Variants in SHANK1 observed in about 807,000 individuals in gnomAD.
SHANK1 encodes the protein SH3 and multiple ankyrin repeat domains 1, also known as SH3 and multiple ankyrin repeat domains protein 1.
SHANK1 carries 35 observed loss-of-function variants against 165.6 expected under a neutral mutation model. The observed-to-expected ratio is 0.21, with a 90% CI of 0.16 to 0.28. The LOEUF (loss-of-function observed/expected upper bound fraction) is 0.28, where lower values mean the gene tolerates loss of function less well. SHANK1 is among the 10% of genes least tolerant of loss of function. The pLI is 1.00. For missense variants in SHANK1, 2,681 were observed against 3,036.4 expected, an observed-to-expected ratio of 0.88 and a Z score of 2.75; for synonymous variants, 1,428 against 1,384.8, an observed-to-expected ratio of 1.03 and a Z score of -0.69.
rs971320794 is a variant in SHANK1, at chr19:50,717,017, G to A, written c.-43-55C>T. On this transcript the variant is annotated intron_variant, in intron 1 of 23. Transcript: ENST00000293441. This position sits in a 1 kb window ranked among gnomAD's most constrained non-coding sequence, Gnocchi z 5.5. ...AGGAGCCCGGGACCCCTCAGAGGCCGCAGGCGCTATTCGGTGGTCAAGCGG... is the reference window on the plus strand; with the variant it reads ...AGGAGCCCGGGACCCCTCAGAGGCCACAGGCGCTATTCGGTGGTCAAGCGG... The A allele has an allele frequency of 1.8e-5, 24 of 1,332,146 alleles. No homozygotes were observed. The highest frequency in any genetic ancestry group is 2.1e-5 in the Non-Finnish European group (22 of 1,033,096). The allele number at this position is 1,332,146 out of a possible 1,614,324, so 82.5% of individuals were successfully genotyped here. A position where few individuals can be genotyped will look rare whatever the true frequency, so the allele number is the denominator to read the frequency against.
chr19:50,672,736 G>C (rs958756411), intron 21 of SHANK1, among the ~76,000 whole-genome samples: 1 of 151,962 alleles, frequency 6.6e-6, no homozygotes, highest in Admixed American at 6.6e-5. Context: ...AGTGTTCTCC[G>C]GGATGGAGCA....
At chr19:50,671,566 T>C (rs1355345836) in intron 22 of SHANK1, among the ~76,000 whole-genome samples, 1 of 151,722 alleles carries the variant, frequency 6.6e-6, no homozygotes. Context: ...TAATCCATTA[T>C]CTGTCTTCCC....
At chr19:50,687,045 C>G in intron 19 of SHANK1, 1 of 1,475,238 alleles carries the variant, frequency 6.8e-7, no homozygotes, top group East Asian at 2.7e-5. Context: ...GGGAGACTAG[C>G]CCGGGGGAGA....
In SHANK1 at chr19:50,668,896, G is replaced by C; in HGVS notation, c.3064C>G (p.His1022Asp). ...CCGCCTGTCTCCATCTCGGGAGGAT[G>C]AGGGGGGTGGGCGTGGTGGTGGTGG... Reference protein sequence around the residue: ...QPHHHHAHPPHPPEMETGGSP... With the variant: ...QPHHHHAHPPDPPEMETGGSP... Residue 1022 changes from histidine (H) to aspartate (D), a missense_variant, in exon 23 of 24, where the codon CAT becomes GAT. Transcript: ENST00000293441. 7.6e-7 allele frequency: 1 copy of C among 1,313,062 alleles called. No homozygotes were observed. Among genetic ancestry groups the C allele is most frequent in the African/African-American group, 1.6e-5 (1 of 62,276 alleles). The allele number at this position is 1,313,062 out of a possible 1,614,324, so 81.3% of individuals were successfully genotyped here.
rs1165998328 is a variant in SHANK1, at chr19:50,711,073, G to T, written c.1077+298C>A. On this transcript the variant is annotated intron_variant, in intron 8 of 23. Transcript: ENST00000293441. ...CTGTGACTTTGCTCTGAGCACTCTGGACTGTAGCAGCAAACTATGTTGTCT... is the reference window on the plus strand; with the variant it reads ...CTGTGACTTTGCTCTGAGCACTCTGTACTGTAGCAGCAAACTATGTTGTCT... 1.9e-5 allele frequency: 7 copies of T among 364,402 alleles called. No homozygotes were observed. In the Admixed American group the frequency reaches 2.4e-4, roughly 12 times the overall value. 22.6% of individuals were successfully genotyped at this position (364,402 alleles called of 1,614,324 possible). A position where few individuals can be genotyped will look rare whatever the true frequency, so the allele number is the denominator to read the frequency against.
rs562644003 is a variant in SHANK1, at chr19:50,678,261, C to T, written c.2578-6147G>A. On this transcript the variant is annotated intron_variant, in intron 21 of 23. Transcript: ENST00000293441. ...ACCCTGAGATAAAATGGGAGGGGTA[C>T]GAAGAGCCAGGAGAAGGGGGTGTGA... Among the ~76,000 whole-genome samples, 7 of 151,876 alleles carry T rather than the reference C, an allele frequency of 4.6e-5. 1 individual carries two copies. The South Asian group carries it at 1.2e-3, about 27-fold the overall frequency.
intron 8 of SHANK1, among the ~76,000 whole-genome samples, chr19:50,708,502 C>T (rs1421633137): frequency 6.6e-6 from 1 of 151,958 alleles, no homozygotes; most frequent in East Asian, 1.9e-4. Flanking sequence ...CCAACCCCGC[C>T]CTCGCCCTCC....
At chr19:50,715,572 G>T in intron 4 of SHANK1, 87 bp downstream of exon 4, 1 of 1,197,070 alleles carries the variant, frequency 8.4e-7, no homozygotes, top group Non-Finnish European at 1.2e-6. Flanking sequence ...GAGGTCTATT[G>T]GGAAGAGGTG....
rs958210231 is a variant in SHANK1, at chr19:50,717,972, C to T, written c.-43-1010G>A. ...GGAGCCCCTTCCAAATGGGGTCCGCCTCCCTTCTGTTCTCCCCCAACTCCC... is the reference window on the plus strand; with the variant it reads ...GGAGCCCCTTCCAAATGGGGTCCGCTTCCCTTCTGTTCTCCCCCAACTCCC... On this transcript the variant is annotated intron_variant, in intron 1 of 23. Transcript: ENST00000293441. This position sits in a 1 kb window ranked among gnomAD's most constrained non-coding sequence, Gnocchi z 5.5. Among the ~76,000 whole-genome samples the T allele has an allele frequency of 6.6e-6, 1 of 152,072 alleles. No individual in the cohort carries two copies. Among genetic ancestry groups the T allele is most frequent in the Admixed American group, 6.5e-5 (1 of 15,276 alleles).
In SHANK1 at chr19:50,693,662, A is replaced by G. The variant is rs569447964; in HGVS notation, c.1964+3434T>C. Among the ~76,000 whole-genome samples the G allele has an allele frequency of 2.6e-5, 4 of 151,114 alleles. No homozygotes were observed. In the East Asian group the frequency reaches 5.9e-4, roughly 22 times the overall value. ...CGGGCGCACCCCCAACCCCGCACTCAGCCCCTTCCCACGTACCCGTGTCCA... is the reference window on the plus strand; with the variant it reads ...CGGGCGCACCCCCAACCCCGCACTCGGCCCCTTCCCACGTACCCGTGTCCA... On this transcript the variant is annotated intron_variant, in intron 15 of 23. Coordinates refer to ENST00000293441, the MANE Select transcript of SHANK1 (RefSeq NM_016148.5).
intron 15 of SHANK1, among the ~76,000 whole-genome samples, chr19:50,692,900 T>G (rs1288664880): frequency 1.6e-5 from 2 of 127,334 alleles, no homozygotes; most frequent in Non-Finnish European, 3.3e-5. Flanking sequence ...TACCCCCCTT[T>G]CCCCCTAAAC....
At chr19:50,708,329 A>G (rs1212056712) in intron 8 of SHANK1, among the ~76,000 whole-genome samples, 1 of 151,766 alleles carries the variant, frequency 6.6e-6, no homozygotes, top group Non-Finnish European at 1.5e-5. Context: ...TCCTCATCCT[A>G]CTCTTACAAA....
At chr19:50,691,213 G>A (rs1199431304) in intron 15 of SHANK1, among the ~76,000 whole-genome samples, 3 of 152,152 alleles carry the variant, frequency 2.0e-5, no homozygotes, top group African/African-American at 7.2e-5. Flanking sequence ...GGGCCGAGAA[G>A]GCCAGAACAG....
intron 15 of SHANK1, among the ~76,000 whole-genome samples, chr19:50,695,998 C>T (rs990643743): frequency 2.0e-5 from 3 of 152,176 alleles, no homozygotes; most frequent in Non-Finnish European, 4.4e-5. Flanking sequence ...CAGGCCAGCG[C>T]AGACAGGGTC....
chr19:50,706,445 G>T (rs1355940750), intron 8 of SHANK1, among the ~76,000 whole-genome samples: 1 of 152,036 alleles, frequency 6.6e-6, no homozygotes, highest in African/African-American at 2.4e-5. Flanking sequence ...CGGCCTAGGA[G>T]GGTTAGGGTT....
Position 50,667,071 on chromosome 19 carries a change from T to C in SHANK1, c.4889A>G (p.Glu1630Gly). 6.4e-7 allele frequency: 1 copy of C among 1,554,246 alleles called. No homozygotes were observed. The highest frequency in any genetic ancestry group is 8.7e-7 in the Non-Finnish European group (1 of 1,154,526). ...GGCCCCCTGGGTCAGGGTGGCCACC[T>C]CGCTGTCATAGGATGTCAGGCTGGA... The part of the protein sequence containing the change: ...TASSLTSYDS[E>G]VATLTQGASA... Residue 1630 changes from glutamate (E) to glycine (G), a missense_variant, in exon 23 of 24, where the codon GAG becomes GGG. Around this residue, in one of 10 missense-constraint regions of SHANK1, gnomAD observed 1,713 missense variants for 1,630.2 expected, o/e 1.05. Coordinates refer to ENST00000293441, the MANE Select transcript of SHANK1 (RefSeq NM_016148.5). This position sits in a 1 kb window ranked among gnomAD's most constrained non-coding sequence, Gnocchi z 5.7.
intron 21 of SHANK1, among the ~76,000 whole-genome samples, chr19:50,680,142 G>A (rs939893953): frequency 7.2e-5 from 11 of 152,048 alleles, no homozygotes; most frequent in Admixed American, 1.3e-4. Flanking sequence ...GGGAAACAGG[G>A]AGGGATGGGA....
At chr19:50,673,454 G>T (rs1011314512) in intron 21 of SHANK1, among the ~76,000 whole-genome samples, 9 of 151,996 alleles carry the variant, frequency 5.9e-5, no homozygotes, top group African/African-American at 2.2e-4. Flanking sequence ...TGGTTCTCTC[G>T]GCAACAGCTT....
intron 4 of SHANK1, among the ~76,000 whole-genome samples, chr19:50,715,348 G>C (rs1464206235): frequency 6.6e-6 from 1 of 151,992 alleles, no homozygotes; most frequent in African/African-American, 2.4e-5. Context: ...GCCTTGGATG[G>C]ATATGGGGGG....
Sources: gnomAD v4.1 joint callset for allele counts (sites outside exome capture counted in the v4.1 genomes callset) on GRCh38, gnomAD v4.1.1 for gene constraint, gnomAD v4.1.1 regional missense constraint, Gnocchi (gnomAD v3.1) non-coding constraint, MANE v1.5 for transcripts, NCBI Gene and HGNC (gene_info 2026-07-23, HGNC 2026-07-21) for gene names.